NCKAP1: variants seen among roughly 807,000 people sequenced by gnomAD.
NCKAP1 encodes NCK associated protein 1.
Under a neutral mutation model 151.2 loss-of-function variants are expected in NCKAP1, and 21 were observed. That is an observed-to-expected ratio of 0.14 (90% CI 0.10 to 0.20). The LOEUF is 0.20. Ranked by LOEUF, NCKAP1 falls within the 10% of genes least tolerant of loss-of-function variation. NCKAP1 has a pLI of 1.00. For synonymous variants in NCKAP1, 484 were observed against 451.8 expected, an observed-to-expected ratio of 1.07 and a Z score of -0.90; for missense variants, 933 against 1,352.1, an observed-to-expected ratio of 0.69 and a Z score of 4.86.
chr2:183,007,838 A>G (rs1290766217), intron 2 of NCKAP1, among the ~76,000 whole-genome samples: 1 of 152,190 alleles, frequency 6.6e-6, no homozygotes, highest in East Asian at 1.9e-4. Flanking sequence ...GTGGACTCCT[A>G]CGGTAGCACC....
Position 182,956,621 on chromosome 2 carries a change from T to C in NCKAP1, c.2022-28A>G, listed in dbSNP as rs764216602. On this transcript the variant is annotated intron_variant, in intron 19 of 30. Transcript: ENST00000361354. ...GAAAAAAATTAATAAACAGTTAAAA[T>C]GTTCACATGTCATCACAGGCAATAC... 3.2e-6 allele frequency: 5 copies of C among 1,584,532 alleles called. No homozygotes were observed. In the Admixed American group the frequency reaches 5.4e-5, roughly 17 times the overall value.
intron 1 of NCKAP1, among the ~76,000 whole-genome samples, chr2:183,035,292 AAAAC>A (rs1412854905): frequency 1.3e-5 from 2 of 152,090 alleles, no homozygotes; most frequent in Non-Finnish European, 2.9e-5. Flanking sequence ...TTAAAAAAAA[AAAAC>A]ATTCTTCAGT....
chr2:182,925,762 A>G lies in NCKAP1; in HGVS notation c.3327T>C (p.Tyr1109=). ...TMDLLESCFP[Y]VLLRNAYHAV... ...CATGGTATGCATTTCTCAGCAAGAC[A>G]TAAGGAAAACAAGATTCCAAAAGAT... is the stretch of plus-strand genomic sequence containing the variant. The change falls in exon 31 of 31, where the codon TAT becomes TAC. Residue 1109 remains tyrosine (Y), a synonymous_variant. Transcript: ENST00000361354. The G allele has an allele frequency of 6.3e-7, 1 of 1,593,242 alleles. No homozygotes were observed. The highest frequency in any genetic ancestry group is 8.5e-7 in the Non-Finnish European group (1 of 1,170,926).
At chr2:183,037,926 C>T (rs1023749357) in intron 1 of NCKAP1, 66 bp downstream of exon 1, 2 of 1,279,478 alleles carry the variant, frequency 1.6e-6, no homozygotes, top group Non-Finnish European at 2.1e-6. Flanking sequence ...ACCCCACGGC[C>T]TCCCTTGCCC....
intron 23 of NCKAP1, among the ~76,000 whole-genome samples, chr2:182,946,757 A>G (rs1697116532): frequency 1.3e-5 from 2 of 149,754 alleles, no homozygotes; most frequent in Non-Finnish European, 3.0e-5. Context: ...AAAAAAAGGA[A>G]ACAGCAGAAA....
At chr2:182,976,273 A>T (rs557273128) in intron 15 of NCKAP1, among the ~76,000 whole-genome samples, 73 of 152,364 alleles carry the variant, frequency 4.8e-4, no homozygotes, top group Admixed American at 2.3e-3. Flanking sequence ...GGAACTATTT[A>T]TATGAGACAT....
intron 15 of NCKAP1, among the ~76,000 whole-genome samples, chr2:182,971,393 CAAA>C (rs1190689259): frequency 8.7e-5 from 6 of 68,964 alleles, no homozygotes; most frequent in Non-Finnish European, 1.4e-4. Context: ...GACTCCGTCT[CAAA>C]AAAAAAAAAA....
Position 183,001,936 on chromosome 2 carries a change from T to A in NCKAP1, c.603+17A>T. On this transcript the variant is annotated intron_variant, in intron 6 of 30. Transcript: ENST00000361354. ...TTATATGCCCATTCTCTCATATGCC[T>A]AACAACTGCCTCTTACCTTGCTATG... is the stretch of plus-strand genomic sequence containing the variant. 1 of 1,599,032 alleles carries A rather than the reference T, an allele frequency of 6.3e-7. No homozygotes were observed. The highest frequency in any genetic ancestry group is 8.6e-7 in the Non-Finnish European group (1 of 1,166,648).
chr2:182,964,691 T>C lies in NCKAP1; in HGVS notation c.1746A>G (p.Glu582=), dbSNP rs1391038305. The stretch of plus-strand genomic sequence containing the variant: ...CTATAATTACCTCTTCTGGACATAG[T>C]TCATGCGTGCAACTCATAAAATGAG... ...LCTHFMSCTH[E]LCPEERHHIG... The change falls in exon 17 of 31, where the codon GAA becomes GAG. Residue 582 remains glutamate (E), a synonymous_variant. Coordinates refer to ENST00000361354, the MANE Select transcript of NCKAP1 (RefSeq NM_013436.5). The C allele has an allele frequency of 6.2e-7, 1 of 1,602,500 alleles. No individual in the cohort carries two copies. Among genetic ancestry groups the C allele is most frequent in the Admixed American group, 1.7e-5 (1 of 58,346 alleles).
chr2:182,929,462 G>A (rs1199147480), intron 27 of NCKAP1, among the ~76,000 whole-genome samples: 1 of 147,712 alleles, frequency 6.8e-6, no homozygotes, highest in Non-Finnish European at 1.5e-5. Flanking sequence ...AAAGAAGACA[G>A]AAGAAGACAG....
intron 1 of NCKAP1, among the ~76,000 whole-genome samples, chr2:183,024,134 A>G (rs1698845194): frequency 6.6e-6 from 1 of 152,090 alleles, no homozygotes; most frequent in South Asian, 2.1e-4. Context: ...AAAGTTTCGA[A>G]GCAGTTAGCG....
chr2:183,032,716 T>C (rs1483032486), intron 1 of NCKAP1, among the ~76,000 whole-genome samples: 3 of 152,168 alleles, frequency 2.0e-5, no homozygotes, highest in Non-Finnish European at 4.4e-5. Context: ...AACTTAACAA[T>C]AGGGTTACAT....
intron 24 of NCKAP1, among the ~76,000 whole-genome samples, chr2:182,938,810 T>TTTTA (rs764923853): frequency 3.3e-5 from 5 of 152,112 alleles, no homozygotes; most frequent in African/African-American, 4.8e-5. Context: ...GGATAAAATA[T>TTTTA]GTAAAGCCAG....
intron 2 of NCKAP1, among the ~76,000 whole-genome samples, chr2:183,020,370 C>A (rs1025418739): frequency 6.9e-6 from 1 of 144,242 alleles, no homozygotes; most frequent in Admixed American, 7.3e-5. Flanking sequence ...GAGGCTGAGG[C>A]AGAAGGATTG....
At chr2:183,006,529 A>G (rs1382023454) in intron 2 of NCKAP1, among the ~76,000 whole-genome samples, 1 of 152,198 alleles carries the variant, frequency 6.6e-6, no homozygotes, top group Non-Finnish European at 1.5e-5. Flanking sequence ...AATCCTCTCA[A>G]TATCTCTATG....
rs567132617 is a variant in NCKAP1, at chr2:182,954,694, G to C, written c.2154-1363C>G. ...CCAGCTACTCGGGAGGCTGAGGCAG[G>C]AGAATTGCTTGAACTTGGGAGATGG... is the stretch of plus-strand genomic sequence containing the variant. On this transcript the variant is annotated intron_variant, in intron 20 of 30. Coordinates refer to ENST00000361354, the MANE Select transcript of NCKAP1 (RefSeq NM_013436.5). Among the ~76,000 whole-genome samples the C allele has an allele frequency of 3.3e-5, 5 of 152,270 alleles. No individual in the cohort carries two copies. In the East Asian group the frequency reaches 7.7e-4, roughly 23 times the overall value.
intron 23 of NCKAP1, among the ~76,000 whole-genome samples, chr2:182,947,749 T>TA (rs71008250): frequency 6.6e-6 from 1 of 152,054 alleles, no homozygotes; most frequent in Non-Finnish European, 1.5e-5. Flanking sequence ...TATAGGACGC[T>TA]AAAAAAATTA....
chr2:182,989,862 T>A (rs923833718), intron 8 of NCKAP1, among the ~76,000 whole-genome samples: 1 of 151,178 alleles, frequency 6.6e-6, no homozygotes, highest in Non-Finnish European at 1.5e-5. Flanking sequence ...TAGACAGGAG[T>A]GTTGGTGCGC....
intron 1 of NCKAP1, chr2:183,024,873 G>A (rs756748033): frequency 1.4e-5 from 18 of 1,306,966 alleles, no homozygotes; most frequent in Non-Finnish European, 1.1e-6. Context: ...GTTTTCCATT[G>A]TTTACTATGG....
Sources: gnomAD v4.1 joint callset for allele counts (sites outside exome capture counted in the v4.1 genomes callset) on GRCh38, gnomAD v4.1.1 for gene constraint, MANE v1.5 for transcripts, NCBI Gene and HGNC (gene_info 2026-07-23, HGNC 2026-07-21) for gene names.